The following SLC44A5 variants were observed in gnomAD, a reference collection of about 807,000 sequenced individuals.
SLC44A5 encodes the protein choline transporter-like protein 5.
Under a neutral mutation model 101.8 loss-of-function variants are expected in SLC44A5, and 57 were observed. The ratio of observed to expected loss-of-function variants is 0.56; its 90% CI spans 0.45 to 0.70. The LOEUF (loss-of-function observed/expected upper bound fraction) is 0.70, where lower values mean the gene tolerates loss of function less well. Ranked by LOEUF, SLC44A5 falls within the 30% of genes least tolerant of loss-of-function variation. The probability of loss-of-function intolerance (pLI) is 0.00; values close to 1 mark genes in which losing one functional copy is unlikely to be tolerated. For missense variants in SLC44A5, 737 were observed against 853.1 expected (o/e 0.86, Z 1.70); for synonymous variants, 281 against 290.9 (o/e 0.97, Z 0.35).
At position 75,222,430 on chromosome 1, in the gene SLC44A5, A is replaced by ACAAT; in HGVS notation, c.1012_1015dup (p.Val339AspfsTer32). The stretch of plus-strand genomic sequence containing the variant: ...CCTGAGGAAGATCAGCATGAGGATG[A>ACAAT]CAATCACTTCAATGATGCAGAGTAT... On this transcript the variant is annotated frameshift_variant, in exon 14 of 24. Coordinates refer to ENST00000370859, the MANE Select transcript of SLC44A5 (RefSeq NM_001130058.2). LOFTEE classifies it high-confidence loss of function. 1 of 1,613,304 alleles carries ACAAT rather than the reference A, an allele frequency of 6.2e-7. No homozygotes were observed. The highest frequency in any genetic ancestry group is 8.5e-7 in the Non-Finnish European group (1 of 1,179,636).
At position 75,393,603 on chromosome 1, in the gene SLC44A5, A is replaced by G. The variant is rs146743624; in HGVS notation, c.52+2980T>C. ...GTGGTTTGATAATTATGTACTATAA[A>G]TTAGATAAAATGTGATAAATGAAAA... is the stretch of plus-strand genomic sequence containing the variant. On this transcript the variant is annotated intron_variant, in intron 3 of 23. Coordinates refer to ENST00000370859, the MANE Select transcript of SLC44A5 (RefSeq NM_001130058.2). Among the ~76,000 whole-genome samples the G allele has an allele frequency of 8.8e-4, 134 of 152,348 alleles. 1 individual carries two copies. The highest frequency in any genetic ancestry group is 3.0e-3 in the African/African-American group (125 of 41,580).
chr1:75,657,047 G>T, the SLC44A5 span, among the ~76,000 whole-genome samples: 1 of 152,158 alleles, frequency 6.6e-6, no homozygotes, highest in African/African-American at 2.4e-5. Context: ...TACTCTGTAG[G>T]CTGAGGTGGA....
At chr1:75,573,716 C>G (rs1673210747) in intron 1 of SLC44A5, among the ~76,000 whole-genome samples, 1 of 151,780 alleles carries the variant, frequency 6.6e-6, no homozygotes, top group Non-Finnish European at 1.5e-5. Flanking sequence ...TTGTATGAAA[C>G]AAGTAGAAGC....
At chr1:75,682,924 C>T in the SLC44A5 span, among the ~76,000 whole-genome samples, 1 of 152,086 alleles carries the variant, frequency 6.6e-6, no homozygotes, top group Non-Finnish European at 1.5e-5. Context: ...AAACAAACAA[C>T]CCCATCAAAA....
chr1:75,484,681 G>T (rs1668061393), intron 2 of SLC44A5, among the ~76,000 whole-genome samples: 1 of 152,186 alleles, frequency 6.6e-6, no homozygotes, highest in African/African-American at 2.4e-5. Flanking sequence ...CCTCTGCATT[G>T]CCCTAATGAA....
intron 3 of SLC44A5, among the ~76,000 whole-genome samples, chr1:75,377,249 T>A (rs1660695794): frequency 7.6e-6 from 1 of 130,772 alleles, no homozygotes; most frequent in Non-Finnish European, 1.6e-5. Flanking sequence ...ACGTGTGCTG[T>A]GTCAACTCAG....
At chr1:75,208,676 G>A (rs1292596027) in intron 23 of SLC44A5, among the ~76,000 whole-genome samples, 2 of 151,998 alleles carry the variant, frequency 1.3e-5, no homozygotes, top group African/African-American at 4.8e-5. Flanking sequence ...GCATGTCCAG[G>A]GGTCTTGGAA....
rs114416048 is a variant in SLC44A5, at chr1:75,588,239, G to A, written c.-70+22801C>T. On this transcript the variant is annotated intron_variant, in intron 1 of 23. Coordinates refer to ENST00000370859, the MANE Select transcript of SLC44A5 (RefSeq NM_001130058.2). ...AGGAAGGAAGGAGGGAGGGAGGGAA[G>A]GAAGGAGTGAAGGAGGGAAGGAGGG... Among the ~76,000 whole-genome samples, 713 of 142,524 alleles carry A rather than the reference G, an allele frequency of 5.0e-3. 7 individuals are homozygous for A. The highest frequency in any genetic ancestry group is 0.018 in the African/African-American group (682 of 38,800). 93.5% of individuals were successfully genotyped at this position (142,524 alleles called of 152,430 possible). A position where few individuals can be genotyped will look rare whatever the true frequency, so the allele number is the denominator to read the frequency against.
intron 2 of SLC44A5, among the ~76,000 whole-genome samples, chr1:75,477,624 A>T (rs1167935013): frequency 1.3e-5 from 2 of 152,244 alleles, no homozygotes; most frequent in Non-Finnish European, 2.9e-5. Flanking sequence ...TCAGGAGCCG[A>T]TGTGATCAAC....
intron 6 of SLC44A5, among the ~76,000 whole-genome samples, chr1:75,271,497 T>TTTTTTTTTTGTGTG (rs1553152601): frequency 1.4e-5 from 2 of 146,304 alleles, no homozygotes; most frequent in African/African-American, 5.1e-5. Flanking sequence ...TCTGCATGTT[T>TTTTTTTTTTGTGTG]TGTGTGTGTG....
the SLC44A5 span, among the ~76,000 whole-genome samples, chr1:75,654,765 A>G: frequency 6.6e-6 from 1 of 152,138 alleles, no homozygotes; most frequent in Admixed American, 6.5e-5. Context: ...ATCAGCATAA[A>G]CAGCTTCCCC....
At chr1:75,485,241 T>C (rs1333232074) in intron 2 of SLC44A5, among the ~76,000 whole-genome samples, 1 of 152,242 alleles carries the variant, frequency 6.6e-6, no homozygotes, top group Non-Finnish European at 1.5e-5. Flanking sequence ...TAAGCTCTAA[T>C]TTCAGACAAT....
chr1:75,471,396 CACACACACACACGT>C (rs1254207564), intron 2 of SLC44A5, among the ~76,000 whole-genome samples: 2 of 151,816 alleles, frequency 1.3e-5, no homozygotes, highest in African/African-American at 4.8e-5. Context: ...CACACACACA[CACACACACACACGT>C]ACACACACAC....
At position 75,537,033 on chromosome 1, in the gene SLC44A5, A is replaced by ATATATATATAT. The variant is rs568318690; in HGVS notation, c.13+4401_13+4402insATATATATATA. 2.7e-3 allele frequency among the ~76,000 whole-genome samples: 117 copies of ATATATATATAT among 42,870 alleles called. 2 individuals are homozygous for ATATATATATAT. Among genetic ancestry groups the ATATATATATAT allele is most frequent in the Middle Eastern group, 0.019 (1 of 54 alleles). The allele number at this position is 42,870 out of a possible 152,430, so 28.1% of individuals were successfully genotyped here. ...AAAAAAAAAAAAAAAAAAAAAAAAAAATATATATCTATGCCAAATGATTCT... is the reference window on the plus strand; with the variant it reads ...AAAAAAAAAAAAAAAAAAAAAAAAAATATATATATATATATATATCTATGCCAAATGATTCT... On this transcript the variant is annotated intron_variant, in intron 2 of 23. Coordinates refer to ENST00000370859, the MANE Select transcript of SLC44A5 (RefSeq NM_001130058.2).
the SLC44A5 span, among the ~76,000 whole-genome samples, chr1:75,717,513 G>C: frequency 6.6e-6 from 1 of 152,026 alleles, no homozygotes; most frequent in Non-Finnish European, 1.5e-5. Flanking sequence ...TGGGTACTAC[G>C]CTTATTATCT....
intron 3 of SLC44A5, among the ~76,000 whole-genome samples, chr1:75,376,021 T>C (rs1016278157): frequency 6.6e-6 from 1 of 152,182 alleles, no homozygotes; most frequent in African/African-American, 2.4e-5. Flanking sequence ...ATTGCCTCAC[T>C]TGGGAAGTGC....
intron 2 of SLC44A5, among the ~76,000 whole-genome samples, chr1:75,405,472 C>CT (rs1482947005): frequency 6.6e-6 from 1 of 152,148 alleles, no homozygotes; most frequent in African/African-American, 2.4e-5. Flanking sequence ...CACTCCTCAG[C>CT]AAATGCAAAA....
the SLC44A5 span, among the ~76,000 whole-genome samples, chr1:75,723,410 A>T: frequency 3.5e-5 from 3 of 85,328 alleles, no homozygotes; most frequent in Non-Finnish European, 9.2e-5. Flanking sequence ...GCAGGCACAG[A>T]CAAACAAGGG....
chr1:75,676,680 A>G, the SLC44A5 span, among the ~76,000 whole-genome samples: 1 of 152,340 alleles, frequency 6.6e-6, no homozygotes, highest in Middle Eastern at 3.4e-3. Flanking sequence ...CATCCTGCAC[A>G]TATACCCTGG....
Sources: gnomAD v4.1 joint callset for allele counts (sites outside exome capture counted in the v4.1 genomes callset) on GRCh38, gnomAD v4.1.1 for gene constraint, MANE v1.5 for transcripts, NCBI Gene and HGNC (gene_info 2026-07-23, HGNC 2026-07-21) for gene names.